Variants in STYK1 observed in about 807,000 individuals in gnomAD.
STYK1 encodes STY kinase 1, also known as tyrosine-protein kinase STYK1.
In STYK1, 46 loss-of-function variants were observed where a neutral mutation model predicts 48.1. The ratio of observed to expected loss-of-function variants is 0.96; its 90% CI spans 0.75 to 1.22. The LOEUF is 1.22. Ranked by LOEUF, STYK1 falls within the 50% of genes most tolerant of loss-of-function variation. STYK1 has a pLI of 0.00. For synonymous variants in STYK1, 188 were observed against 189.0 expected, an observed-to-expected ratio of 0.99 and a Z score of 0.04; for missense variants, 527 against 521.1, an observed-to-expected ratio of 1.01 and a Z score of -0.11.
At chr12:10,622,528 C>T (rs1865923829) in intron 9 of STYK1, 110 bp downstream of exon 9, 2 of 1,237,814 alleles carry the variant, frequency 1.6e-6, no homozygotes, top group Non-Finnish European at 2.3e-6. Flanking sequence ...CCATTTCAAG[C>T]TTCAGCACTG....
chr12:10,627,732 G>C lies in STYK1; in HGVS notation c.634-8C>G. The C allele has an allele frequency of 1.9e-6, 3 of 1,597,750 alleles. No homozygotes were observed. Among genetic ancestry groups the C allele is most frequent in the Non-Finnish European group, 2.6e-6 (3 of 1,175,190 alleles). ...ATCCATAGTCATCACATCCTAAAGA[G>C]ACAGGGAAAAAAAGCCATTATATCA... On this transcript the variant is annotated splice_region_variant and splice_polypyrimidine_tract_variant and intron_variant, in intron 6 of 10. Transcript: ENST00000075503.
At chr12:10,647,303 G>A (rs1330566836) in intron 1 of STYK1, among the ~76,000 whole-genome samples, 1 of 152,166 alleles carries the variant, frequency 6.6e-6, no homozygotes. Flanking sequence ...ACCCCCCTCT[G>A]GAATCACCAT....
chr12:10,663,456 A>G (rs1057491773), intron 1 of STYK1, among the ~76,000 whole-genome samples: 1 of 151,900 alleles, frequency 6.6e-6, no homozygotes, highest in Non-Finnish European at 1.5e-5. Flanking sequence ...AAAATTAGCC[A>G]GGCGCGGTGA....
intron 4 of STYK1, 55 bp downstream of exon 4, chr12:10,633,935 T>C (rs749821690): frequency 6.3e-7 from 1 of 1,590,730 alleles, no homozygotes; most frequent in Admixed American, 1.8e-5. Context: ...ACCATACTTT[T>C]TCCTAATCTC....
At chr12:10,621,813 G>A (rs759773550) in intron 10 of STYK1, 63 bp downstream of exon 10, 21 of 1,492,292 alleles carry the variant, frequency 1.4e-5, no homozygotes, top group South Asian at 6.8e-5. Flanking sequence ...AAAAGGGCAC[G>A]ATTGATAGAG....
intron 8 of STYK1, among the ~76,000 whole-genome samples, chr12:10,623,731 C>A (rs558544917): frequency 3.3e-5 from 5 of 152,188 alleles, no homozygotes; most frequent in Middle Eastern, 3.4e-3. Context: ...CATCAAAAGT[C>A]TGCAGTCAAA....
chr12:10,622,022 T>G, intron 9 of STYK1, 50 bp from the exon 10 acceptor site: 3 of 1,504,928 alleles, frequency 2.0e-6, no homozygotes, highest in Non-Finnish European at 2.8e-6. Flanking sequence ...AAATATGAAC[T>G]GTAACTAACA....
At position 10,619,453 on chromosome 12, in the gene STYK1, C is replaced by T. The variant is rs1865870517; in HGVS notation, c.*691G>A. 6.6e-6 allele frequency: 1 copy of T among 152,160 alleles called. No individual in the cohort carries two copies. The highest frequency in any genetic ancestry group is 1.5e-5 in the Non-Finnish European group (1 of 68,074). 9.4% of individuals were successfully genotyped at this position (152,160 alleles called of 1,614,324 possible). On this transcript the variant is annotated 3_prime_UTR_variant, in exon 11 of 11. Transcript: ENST00000075503. ...GGAACTAGGAAGCTAGCTTAATGAA[C>T]AATACATGTTGAATGTTCTTAATCA...
At chr12:10,640,255 T>C (rs1055105546) in intron 1 of STYK1, among the ~76,000 whole-genome samples, 1 of 152,090 alleles carries the variant, frequency 6.6e-6, no homozygotes, top group Non-Finnish European at 1.5e-5. Flanking sequence ...GCTTAGGAAT[T>C]AGGGTCTTCA....
chr12:10,624,695 G>A lies in STYK1; in HGVS notation c.882C>T (p.Ala294=), dbSNP rs765101884. The change falls in exon 8 of 11, where the codon GCC becomes GCT. Residue 294 remains alanine (A), a synonymous_variant. Transcript: ENST00000075503. ...STQTIPLKWL[A]PERLLLRPAS... ...CAGGTCTCAGGAGAAGCCGTTCTGGGGCAAGCCACTTGAGAGGTATGGTTT... is the reference window on the plus strand; with the variant it reads ...CAGGTCTCAGGAGAAGCCGTTCTGGAGCAAGCCACTTGAGAGGTATGGTTT... 6.2e-7 allele frequency: 1 copy of A among 1,614,112 alleles called. No individual in the cohort carries two copies. The highest frequency in any genetic ancestry group is 1.1e-5 in the South Asian group (1 of 91,076).
In STYK1 at chr12:10,624,725, A is replaced by G; in HGVS notation, c.852T>C (p.Ser284=). 1 of 1,614,178 alleles carries G rather than the reference A, an allele frequency of 6.2e-7. No homozygotes were observed. The highest frequency in any genetic ancestry group is 8.5e-7 in the Non-Finnish European group (1 of 1,180,036). ...YEVYTRGAIS[S]TQTIPLKWLA... is the part of the protein sequence containing the mutation. The stretch of plus-strand genomic sequence containing the variant: ...GCCACTTGAGAGGTATGGTTTGAGT[A>G]GAGGAGATGGCCCCTCGGGTGTAAA... The change falls in exon 8 of 11, where the codon TCT becomes TCC. Residue 284 remains serine (S), a synonymous_variant. Transcript: ENST00000075503.
chr12:10,627,727 A>G lies in STYK1; in HGVS notation c.634-3T>C, dbSNP rs370094078. The G allele has an allele frequency of 3.7e-6, 6 of 1,603,080 alleles. No homozygotes were observed. Among genetic ancestry groups the G allele is most frequent in the Non-Finnish European group, 5.1e-6 (6 of 1,177,114 alleles). On this transcript the variant is annotated splice_region_variant and splice_polypyrimidine_tract_variant and intron_variant, in intron 6 of 10. Coordinates refer to ENST00000075503, the MANE Select transcript of STYK1 (RefSeq NM_018423.3). ...AGACCATCCATAGTCATCACATCCTAAAGAGACAGGGAAAAAAAGCCATTA... is the reference window on the plus strand; with the variant it reads ...AGACCATCCATAGTCATCACATCCTGAAGAGACAGGGAAAAAAAGCCATTA...
At chr12:10,649,301 GA>G (rs141209434) in intron 1 of STYK1, among the ~76,000 whole-genome samples, 52,193 of 151,832 alleles carry the variant, frequency 0.34, 9,612 homozygotes, top group Non-Finnish European at 0.43. Context: ...AAATTTTCTG[GA>G]AAAAAATTAA....
chr12:10,649,996 C>A (rs1947643469), intron 1 of STYK1, among the ~76,000 whole-genome samples: 1 of 151,654 alleles, frequency 6.6e-6, no homozygotes, highest in Non-Finnish European at 1.5e-5. Flanking sequence ...CCCCTGTAGT[C>A]CCAGCTACTC....
chr12:10,626,366 G>C (rs1023318141), intron 7 of STYK1, among the ~76,000 whole-genome samples: 7 of 152,074 alleles, frequency 4.6e-5, no homozygotes, highest in African/African-American at 1.7e-4. Flanking sequence ...ACATATCAAC[G>C]AGGCCATTCA....
At chr12:10,640,052 AT>A (rs1947527103) in intron 1 of STYK1, among the ~76,000 whole-genome samples, 1 of 151,996 alleles carries the variant, frequency 6.6e-6, no homozygotes, top group African/African-American at 2.4e-5. Context: ...TAGAATCAGA[AT>A]TTTTTTCCTA....
At chr12:10,625,481 T>A (rs923593600) in intron 7 of STYK1, among the ~76,000 whole-genome samples, 2 of 152,166 alleles carry the variant, frequency 1.3e-5, no homozygotes, top group Admixed American at 6.5e-5. Context: ...CCTCCCAAAG[T>A]GCTGGGATTA....
rs147075150 is a variant in STYK1, at chr12:10,648,318, G to A, written c.-194-11122C>T. Among the ~76,000 whole-genome samples, 44 of 151,906 alleles carry A rather than the reference G, an allele frequency of 2.9e-4. No individual in the cohort carries two copies. The East Asian group carries it at 8.1e-3, about 28-fold the overall frequency. On this transcript the variant is annotated intron_variant, in intron 1 of 10. Coordinates refer to ENST00000075503, the MANE Select transcript of STYK1 (RefSeq NM_018423.3). ...TATTGGGTTTGTGATAACTTCCTAAGCTTAAACAAAAAACTTTCTTCCAAC... is the reference window on the plus strand; with the variant it reads ...TATTGGGTTTGTGATAACTTCCTAAACTTAAACAAAAAACTTTCTTCCAAC...
intron 1 of STYK1, among the ~76,000 whole-genome samples, chr12:10,666,792 C>G (rs984686490): frequency 1.4e-4 from 22 of 152,204 alleles, no homozygotes; most frequent in African/African-American, 5.3e-4. Context: ...TAAGACGTGC[C>G]TGCTTCCTCT....
Sources: gnomAD v4.1 joint callset for allele counts (sites outside exome capture counted in the v4.1 genomes callset) on GRCh38, gnomAD v4.1.1 for gene constraint, MANE v1.5 for transcripts, NCBI Gene and HGNC (gene_info 2026-07-23, HGNC 2026-07-21) for gene names.